The following RGS3 variants were observed in gnomAD, a reference collection of about 807,000 sequenced individuals.
RGS3 encodes the protein regulator of G-protein signalling 3.
RGS3 carries 80 observed loss-of-function variants against 132.6 expected under a neutral mutation model. The ratio of observed to expected loss-of-function variants is 0.60; its 90% CI spans 0.50 to 0.73. The LOEUF (loss-of-function observed/expected upper bound fraction) is 0.73. Among genes scored for constraint, RGS3 ranks in the 30% least tolerant of loss-of-function variants. The probability of loss-of-function intolerance (pLI) is 0.00; values close to 1 mark genes in which losing one functional copy is unlikely to be tolerated. For synonymous variants in RGS3, 598 were observed against 620.6 expected, an observed-to-expected ratio of 0.96 and a Z score of 0.54; for missense variants, 1,382 against 1,530.8, an observed-to-expected ratio of 0.90 and a Z score of 1.62.
chr9:113,568,104 A>C (rs1407741112), intron 19 of RGS3, among the ~76,000 whole-genome samples: 2 of 152,240 alleles, frequency 1.3e-5, no homozygotes, highest in East Asian at 3.8e-4. Flanking sequence ...TAGATAGAGA[A>C]CTGAGGCAGG....
chr9:113,595,892 A>G (rs573845672), intron 24 of RGS3, 127 bp downstream of exon 22: 1 of 1,005,598 alleles, frequency 9.9e-7, no homozygotes, highest in East Asian at 2.5e-5. Flanking sequence ...CCAGGTACCC[A>G]GCAGGGAAGA....
rs1390840713 is a variant in RGS3, at chr9:113,537,515, A to G, written c.2037+597A>G. ...AGTGCCTGGGGAGAGGGGATGGGAT[A>G]GGAGCTGGACCACACAGCCTTCCCC... On this transcript the variant is annotated intron_variant, in intron 19 of 24. Coordinates refer to ENST00000350696, the Ensembl canonical transcript of RGS3. This position sits in a 1 kb window ranked among gnomAD's most constrained non-coding sequence, Gnocchi z 4.3. Among the ~76,000 whole-genome samples, 2 of 152,174 alleles carry G rather than the reference A, an allele frequency of 1.3e-5. No individual in the cohort carries two copies. The highest frequency in any genetic ancestry group is 4.8e-5 in the African/African-American group (2 of 41,444).
chr9:113,505,397 A>C, intron 10 of RGS3, 45 bp from the exon 9 acceptor site: 3 of 1,576,636 alleles, frequency 1.9e-6, no homozygotes, highest in Non-Finnish European at 2.6e-6. Context: ...GGTAGAGGCA[A>C]GAGCCTCCAG....
chr9:113,575,442 C>G (rs899151398), intron 19 of RGS3, among the ~76,000 whole-genome samples: 5 of 152,160 alleles, frequency 3.3e-5, no homozygotes, highest in African/African-American at 1.2e-4. Context: ...TCCTTTGCCC[C>G]TCTCTCCTCC....
chr9:113,528,378 T>C (rs1832313225), intron 17 of RGS3, among the ~76,000 whole-genome samples: 1 of 152,128 alleles, frequency 6.6e-6, no homozygotes, highest in Non-Finnish European at 1.5e-5. Context: ...CCAGGCTGCT[T>C]CTCTGCACTT....
At chr9:113,475,450 G>T (rs1016795938) in intron 3 of RGS3, among the ~76,000 whole-genome samples, 9 of 152,152 alleles carry the variant, frequency 5.9e-5, no homozygotes, top group Non-Finnish European at 1.2e-4. Context: ...CTATCATCCA[G>T]GCTGGAGTAC....
intron 19 of RGS3, among the ~76,000 whole-genome samples, chr9:113,548,305 G>A (rs1360578130): frequency 1.3e-5 from 2 of 152,218 alleles, no homozygotes; most frequent in Non-Finnish European, 2.9e-5. Flanking sequence ...TGTTGGCCTT[G>A]GGAAATGTAA....
At position 113,497,406 on chromosome 9, in the gene RGS3, T is replaced by C. The variant is rs1160382868; in HGVS notation, c.841+2T>C. The C allele has an allele frequency of 2.5e-6, 4 of 1,612,058 alleles. No individual in the cohort carries two copies. The highest frequency in any genetic ancestry group is 2.2e-5 in the East Asian group (1 of 44,882). On this transcript the variant is annotated splice_donor_variant, in intron 9 of 24. Coordinates refer to ENST00000350696, the Ensembl canonical transcript of RGS3. LOFTEE classifies it high-confidence loss of function. ...GGCGGCGACTGCGGCCGCTGAGAGGTACCTGCACACCCCCTTCAGCTTCCC... is the reference window on the plus strand; with the variant it reads ...GGCGGCGACTGCGGCCGCTGAGAGGCACCTGCACACCCCCTTCAGCTTCCC...
chr9:113,519,583 A>G (rs949024749), intron 16 of RGS3, among the ~76,000 whole-genome samples: 1 of 151,262 alleles, frequency 6.6e-6, no homozygotes, highest in African/African-American at 2.4e-5. Flanking sequence ...TTAGGCTTTC[A>G]GGAGTCATCC....
intron 1 of RGS3, among the ~76,000 whole-genome samples, chr9:113,445,617 G>T (rs983921401): frequency 6.6e-6 from 1 of 152,200 alleles, no homozygotes; most frequent in African/African-American, 2.4e-5. Flanking sequence ...CTCAGAGCCA[G>T]CTGGACTTTG....
chr9:113,558,273 C>G (rs531791898), intron 19 of RGS3, among the ~76,000 whole-genome samples: 4 of 152,194 alleles, frequency 2.6e-5, no homozygotes, highest in Non-Finnish European at 4.4e-5. Flanking sequence ...GAGGCCTAGG[C>G]GGTGGATCAC....
intron 1 of RGS3, among the ~76,000 whole-genome samples, chr9:113,455,108 A>G (rs1054913366): frequency 3.2e-4 from 48 of 152,122 alleles, no homozygotes; most frequent in Non-Finnish European, 4.0e-4. Flanking sequence ...CCCTTTTGGA[A>G]AGTCTCTCCC....
At chr9:113,567,901 C>T (rs938932925) in intron 19 of RGS3, among the ~76,000 whole-genome samples, 1 of 152,210 alleles carries the variant, frequency 6.6e-6, no homozygotes, top group Non-Finnish European at 1.5e-5. Context: ...TCAGAAGAGG[C>T]ACAGCTGAAG....
intron 21 of RGS3, chr9:113,593,520 A>G (rs1835554431): frequency 5.9e-6 from 1 of 170,112 alleles, no homozygotes; most frequent in African/African-American, 2.4e-5. Context: ...GTGTTTTTGT[A>G]AGTTTATAGG....
chr9:113,489,135 G>T (rs1310012602), intron 7 of RGS3, among the ~76,000 whole-genome samples: 4 of 152,172 alleles, frequency 2.6e-5, no homozygotes, highest in Non-Finnish European at 5.9e-5. Flanking sequence ...GGAAACTGAG[G>T]CTTATGAAAG....
chr9:113,466,972 A>G (rs576605823), intron 3 of RGS3, among the ~76,000 whole-genome samples: 1 of 146,914 alleles, frequency 6.8e-6, no homozygotes, highest in Admixed American at 6.8e-5. Context: ...ATGGAATCGT[A>G]TTTTTTTTTT....
At chr9:113,535,156 TG>T (rs1832627118) in intron 18 of RGS3, among the ~76,000 whole-genome samples, 1 of 152,090 alleles carries the variant, frequency 6.6e-6, no homozygotes, top group African/African-American at 2.4e-5. Context: ...TATTTTATTT[TG>T]TTTTTTTTTC....
intron 1 of RGS3, chr9:113,461,683 G>A (rs1318240823): frequency 5.0e-6 from 8 of 1,605,542 alleles, no homozygotes; most frequent in South Asian, 1.1e-5. Flanking sequence ...TGCCCAGTGT[G>A]GGCCTCGGTC....
intron 21 of RGS3, chr9:113,594,184 G>A (rs1225116013): frequency 1.9e-6 from 3 of 1,612,906 alleles, no homozygotes; most frequent in Middle Eastern, 3.3e-4. Context: ...CACCGTTGCT[G>A]CCCGCTGCCC....
Sources: gnomAD v4.1 joint callset for allele counts (sites outside exome capture counted in the v4.1 genomes callset) on GRCh38, gnomAD v4.1.1 for gene constraint, Gnocchi (gnomAD v3.1) non-coding constraint, MANE v1.5 for transcripts, NCBI Gene and HGNC (gene_info 2026-07-23, HGNC 2026-07-21) for gene names.